The following NRXN3 variants were observed in gnomAD, a reference collection of about 807,000 sequenced individuals.
The protein encoded by NRXN3 is neurexin 3.
NRXN3 carries 32 observed loss-of-function variants against 137.6 expected under a neutral mutation model. The ratio of observed to expected loss-of-function variants is 0.23; its 90% CI spans 0.18 to 0.31. The LOEUF (loss-of-function observed/expected upper bound fraction) is 0.31, where lower values mean the gene tolerates loss of function less well. NRXN3 is among the 10% of genes least tolerant of loss of function. The probability of loss-of-function intolerance (pLI) is 1.00; values close to 1 mark genes in which losing one functional copy is unlikely to be tolerated. For synonymous variants in NRXN3, 798 were observed against 784.5 expected (o/e 1.02, Z -0.29); for missense variants, 1,574 against 2,062.5 (o/e 0.76, Z 4.59).
intron 15 of NRXN3, among the ~76,000 whole-genome samples, chr14:79,437,573 A>G (rs2095864766): frequency 6.6e-6 from 1 of 152,208 alleles, no homozygotes; most frequent in African/African-American, 2.4e-5. Context: ...TAAGACCCCC[A>G]TCTGTCTCTA....
intron 1 of NRXN3, among the ~76,000 whole-genome samples, chr14:78,172,796 A>C (rs939466733): frequency 8.5e-5 from 13 of 152,154 alleles, no homozygotes; most frequent in Admixed American, 1.3e-4. Flanking sequence ...TTTAAAAAAA[A>C]TTGCTTCTTG....
intron 1 of NRXN3, among the ~76,000 whole-genome samples, chr14:78,203,734 G>A (rs975057063): frequency 1.3e-5 from 2 of 151,972 alleles, no homozygotes; most frequent in East Asian, 3.9e-4. Flanking sequence ...AAAGCACAGA[G>A]ACAGAAGCAA....
chr14:78,836,479 G>A (rs1310136719), intron 10 of NRXN3, among the ~76,000 whole-genome samples: 18 of 152,210 alleles, frequency 1.2e-4, no homozygotes, highest in Admixed American at 1.2e-3. Context: ...ATCTGATTCA[G>A]TAGGTTGAGT....
intron 15 of NRXN3, among the ~76,000 whole-genome samples, chr14:79,030,635 CTTTTTT>C: frequency 5.5e-5 from 3 of 54,236 alleles, no homozygotes; most frequent in African/African-American, 2.2e-4. Context: ...TTCTCTGTGT[CTTTTTT>C]TTTTTTTTTT....
At chr14:79,272,915 G>A (rs1227487539) in intron 15 of NRXN3, among the ~76,000 whole-genome samples, 2 of 152,184 alleles carry the variant, frequency 1.3e-5, no homozygotes, top group Non-Finnish European at 2.9e-5. Context: ...GCTCACGCCT[G>A]TAATCCCAGC....
intron 16 of NRXN3, among the ~76,000 whole-genome samples, chr14:79,543,662 A>C (rs1393668228): frequency 6.6e-6 from 1 of 152,196 alleles, no homozygotes; most frequent in African/African-American, 2.4e-5. Flanking sequence ...GAGGTGAATA[A>C]ACACATTGAA....
At chr14:78,257,062 G>A (rs2069754936) in intron 2 of NRXN3, among the ~76,000 whole-genome samples, 1 of 152,190 alleles carries the variant, frequency 6.6e-6, no homozygotes, top group African/African-American at 2.4e-5. Context: ...TGGCTCTGAG[G>A]GCTTCATGGG....
intron 15 of NRXN3, among the ~76,000 whole-genome samples, chr14:79,288,866 C>G (rs1183161923): frequency 6.6e-6 from 1 of 152,164 alleles, no homozygotes; most frequent in Admixed American, 6.5e-5. Context: ...ATAAAAGGAG[C>G]AGACTGATGA....
intron 18 of NRXN3, among the ~76,000 whole-genome samples, chr14:79,696,180 C>A (rs1163531784): frequency 6.6e-6 from 1 of 151,892 alleles, no homozygotes; most frequent in African/African-American, 2.4e-5. Context: ...AAGGACAGAT[C>A]AACATTGTGT....
chr14:79,667,789 G>A (rs1042005310), intron 17 of NRXN3, among the ~76,000 whole-genome samples: 1 of 151,904 alleles, frequency 6.6e-6, no homozygotes, highest in African/African-American at 2.4e-5. Context: ...GCGGTGGTAG[G>A]AACAAGGGAG....
chr14:78,635,505 T>G (rs1022338510), intron 4 of NRXN3, among the ~76,000 whole-genome samples: 7 of 152,180 alleles, frequency 4.6e-5, no homozygotes, highest in Non-Finnish European at 8.8e-5. Flanking sequence ...CTAGATTCAT[T>G]GTGGATATTT....
At chr14:79,081,905 A>C (rs1230500149) in intron 15 of NRXN3, among the ~76,000 whole-genome samples, 1 of 152,136 alleles carries the variant, frequency 6.6e-6, no homozygotes, top group Non-Finnish European at 1.5e-5. Context: ...TAGATAGAAC[A>C]AATAGTTTGA....
intron 8 of NRXN3, among the ~76,000 whole-genome samples, chr14:78,776,887 AGTTTCTGATTCAGT>A (rs1408855644): frequency 6.6e-6 from 1 of 152,158 alleles, no homozygotes; most frequent in Non-Finnish European, 1.5e-5. Context: ...CCATCCTAAG[AGTTTCTGATTCAGT>A]AGGTTGGGGT....
intron 10 of NRXN3, among the ~76,000 whole-genome samples, chr14:78,934,619 T>A (rs894583208): frequency 6.6e-6 from 1 of 152,086 alleles, no homozygotes; most frequent in Non-Finnish European, 1.5e-5. Flanking sequence ...AAGGGCACCA[T>A]TTAAGAAGAA....
At chr14:78,298,989 G>A (rs1402436505) in intron 4 of NRXN3, among the ~76,000 whole-genome samples, 4 of 152,168 alleles carry the variant, frequency 2.6e-5, no homozygotes, top group South Asian at 2.1e-4. Context: ...TTCGTTTATG[G>A]CATCCAGTTA....
intron 4 of NRXN3, among the ~76,000 whole-genome samples, chr14:78,574,131 A>G (rs1305280385): frequency 1.3e-5 from 2 of 152,238 alleles, no homozygotes; most frequent in Non-Finnish European, 2.9e-5. Context: ...TCAAGAATTT[A>G]GGTTTGGTAA....
At chr14:79,215,927 T>A (rs1363739700) in intron 15 of NRXN3, among the ~76,000 whole-genome samples, 1 of 152,214 alleles carries the variant, frequency 6.6e-6, no homozygotes, top group Non-Finnish European at 1.5e-5. Flanking sequence ...TTATTCTGGT[T>A]ATCCATTGCT....
At chr14:79,711,842 A>G (rs1362426976) in intron 19 of NRXN3, among the ~76,000 whole-genome samples, 2 of 152,174 alleles carry the variant, frequency 1.3e-5, no homozygotes, top group African/African-American at 4.8e-5. Flanking sequence ...TATCCAATTA[A>G]TGATGGATGA....
chr14:78,910,136 T>C (rs1465538318), intron 10 of NRXN3, among the ~76,000 whole-genome samples: 1 of 152,140 alleles, frequency 6.6e-6, no homozygotes, highest in Non-Finnish European at 1.5e-5. Flanking sequence ...CCCACTGTTC[T>C]TGCTGTAGGA....
Sources: allele counts gnomAD v4.1 joint callset (sites outside exome capture counted in the v4.1 genomes callset), GRCh38; gene constraint gnomAD v4.1.1; transcripts MANE v1.5; gene names NCBI Gene and HGNC (gene_info 2026-07-23, HGNC 2026-07-21).